The following TOX variants were observed in gnomAD, a reference collection of about 807,000 sequenced individuals.
TOX encodes thymocyte selection associated high mobility group box, also known as thymocyte selection-associated high mobility group box protein TOX.
A neutral mutation model predicts 53.7 loss-of-function variants in TOX; 11 were observed. The ratio of observed to expected loss-of-function variants is 0.20; its 90% CI spans 0.13 to 0.34. TOX has a LOEUF of 0.34. Ranked by LOEUF, TOX falls within the 10% of genes least tolerant of loss-of-function variation. The pLI, the probability that TOX is intolerant of heterozygous loss-of-function variation, is 1.00. For synonymous variants in TOX, 225 were observed against 245.3 expected (o/e 0.92, Z 0.77); for missense variants, 570 against 664.6 (o/e 0.86, Z 1.56).
intron 1 of TOX, among the ~76,000 whole-genome samples, chr8:59,116,801 T>C (rs1271232476): frequency 1.3e-5 from 2 of 152,206 alleles, no homozygotes; most frequent in African/African-American, 2.4e-5. Flanking sequence ...AATTTGCATT[T>C]AAAAAGAACA....
intron 3 of TOX, among the ~76,000 whole-genome samples, chr8:58,913,287 G>A (rs1811936939): frequency 6.6e-6 from 1 of 152,180 alleles, no homozygotes; most frequent in Non-Finnish European, 1.5e-5. Flanking sequence ...CTGCACTCCA[G>A]CCTGGGTGAC....
intron 1 of TOX, among the ~76,000 whole-genome samples, chr8:59,085,159 C>T (rs1002340496): frequency 3.3e-5 from 5 of 152,176 alleles, no homozygotes; most frequent in East Asian, 1.9e-4. Flanking sequence ...AACTTTACTA[C>T]CAAACTTTAA....
chr8:59,031,953 G>C (rs1449758975), intron 1 of TOX, among the ~76,000 whole-genome samples: 1 of 152,176 alleles, frequency 6.6e-6, no homozygotes, highest in Non-Finnish European at 1.5e-5. Flanking sequence ...CTAAAGATTT[G>C]TATGTGAATC....
intron 2 of TOX, among the ~76,000 whole-genome samples, chr8:58,954,158 T>C (rs919350930): frequency 1.3e-5 from 2 of 152,204 alleles, no homozygotes; most frequent in Admixed American, 6.5e-5. Flanking sequence ...TATTATCATG[T>C]TAACTCTTTG....
intron 3 of TOX, among the ~76,000 whole-genome samples, chr8:58,894,751 C>G (rs1025791284): frequency 2.0e-5 from 3 of 151,952 alleles, no homozygotes; most frequent in African/African-American, 7.3e-5. Flanking sequence ...AAAAAATTAG[C>G]CAGGCCTGGT....
intron 5 of TOX, among the ~76,000 whole-genome samples, chr8:58,833,105 T>C (rs1810490060): frequency 6.6e-6 from 1 of 152,206 alleles, no homozygotes; most frequent in Non-Finnish European, 1.5e-5. Context: ...GGCTTTCCAC[T>C]CCATTTTTAG....
rs928773027 is a variant in TOX, at chr8:59,011,501, T to C, written c.103-51493A>G. Among the ~76,000 whole-genome samples the C allele has an allele frequency of 2.6e-5, 4 of 152,230 alleles. No homozygotes were observed. The East Asian group carries it at 7.7e-4, about 29-fold the overall frequency. On this transcript the variant is annotated intron_variant, in intron 1 of 8. Coordinates refer to ENST00000361421, the MANE Select transcript of TOX (RefSeq NM_014729.3). ...GCCTCCTGAACATGGCAGTCTCAGT[T>C]GCAAAACTCAGCAAATGCTTTTTCA...
chr8:58,849,365 T>C (rs1351442537), intron 4 of TOX, among the ~76,000 whole-genome samples: 1 of 152,174 alleles, frequency 6.6e-6, no homozygotes, highest in East Asian at 1.9e-4. Flanking sequence ...TCTATCACTA[T>C]AGAATATGAG....
At chr8:59,095,192 AC>A (rs1453055970) in intron 1 of TOX, among the ~76,000 whole-genome samples, 2 of 152,172 alleles carry the variant, frequency 1.3e-5, no homozygotes, top group African/African-American at 4.8e-5. Context: ...TTAGGATCTA[AC>A]TTGACCTTGC....
chr8:59,013,655 C>A (rs541550722), intron 1 of TOX, among the ~76,000 whole-genome samples: 1 of 152,168 alleles, frequency 6.6e-6, no homozygotes, highest in African/African-American at 2.4e-5. Flanking sequence ...GTGATCCGCC[C>A]GCTCCGGCCT....
chr8:58,973,125 G>C (rs185130211), intron 1 of TOX, among the ~76,000 whole-genome samples: 6 of 152,110 alleles, frequency 3.9e-5, no homozygotes, highest in African/African-American at 1.4e-4. Flanking sequence ...TTTCTTCAGT[G>C]CTAATAGGAC....
chr8:59,013,085 C>T (rs748710305), intron 1 of TOX, among the ~76,000 whole-genome samples: 1 of 152,134 alleles, frequency 6.6e-6, no homozygotes, highest in Non-Finnish European at 1.5e-5. Flanking sequence ...TTTACCTATT[C>T]CTTCATAGAA....
chr8:58,948,531 C>T (rs1419784361), intron 2 of TOX, among the ~76,000 whole-genome samples: 1 of 152,122 alleles, frequency 6.6e-6, no homozygotes, highest in African/African-American at 2.4e-5. Context: ...AATGTACTCC[C>T]CCTCCAAACC....
At chr8:58,878,556 G>A (rs1811325804) in intron 3 of TOX, among the ~76,000 whole-genome samples, 1 of 152,150 alleles carries the variant, frequency 6.6e-6, no homozygotes, top group Non-Finnish European at 1.5e-5. Flanking sequence ...CTATTTTACA[G>A]TATCAACACT....
chr8:58,808,615 C>A (rs1179562457), intron 7 of TOX, among the ~76,000 whole-genome samples: 1 of 152,214 alleles, frequency 6.6e-6, no homozygotes, highest in East Asian at 1.9e-4. Flanking sequence ...TGTTTTCTAT[C>A]AAACCTAAGG....
intron 7 of TOX, among the ~76,000 whole-genome samples, chr8:58,814,815 C>T (rs1027181706): frequency 6.6e-6 from 1 of 152,188 alleles, no homozygotes; most frequent in African/African-American, 2.4e-5. Context: ...TTAAATAAAA[C>T]TCTGGTTAAA....
intron 1 of TOX, among the ~76,000 whole-genome samples, chr8:59,039,776 T>A (rs1051209100): frequency 3.3e-5 from 5 of 152,208 alleles, no homozygotes; most frequent in African/African-American, 1.2e-4. Context: ...CAGAAAAATA[T>A]CCAGCAAAAA....
intron 3 of TOX, among the ~76,000 whole-genome samples, chr8:58,925,197 A>G (rs2129175114): frequency 6.6e-6 from 1 of 152,332 alleles, no homozygotes; most frequent in Middle Eastern, 3.4e-3. Context: ...TGAGTTTTTT[A>G]ATTTAAAAAG....
chr8:59,092,210 C>T (rs1451395988), intron 1 of TOX, among the ~76,000 whole-genome samples: 1 of 142,502 alleles, frequency 7.0e-6, no homozygotes, highest in African/African-American at 2.7e-5. Context: ...CGAGATCGCG[C>T]CACTGCACTC....
Sources: gnomAD v4.1 joint callset for allele counts (sites outside exome capture counted in the v4.1 genomes callset) on GRCh38, gnomAD v4.1.1 for gene constraint, MANE v1.5 for transcripts, NCBI Gene and HGNC (gene_info 2026-07-23, HGNC 2026-07-21) for gene names.